Variants in SLC43A3 observed in about 807,000 individuals in gnomAD.
The protein encoded by SLC43A3 is equilibrative nucleobase transporter 1.
In SLC43A3, 33 loss-of-function variants were observed where a neutral mutation model predicts 53.3. That is an observed-to-expected ratio of 0.62 (90% CI 0.47 to 0.83). The LOEUF (loss-of-function observed/expected upper bound fraction) is 0.83, where lower values mean the gene tolerates loss of function less well. Ranked by LOEUF, SLC43A3 falls within the 40% of genes least tolerant of loss-of-function variation. The probability of loss-of-function intolerance (pLI) is 0.00; values close to 1 mark genes in which losing one functional copy is unlikely to be tolerated. For missense variants in SLC43A3, 530 were observed against 610.0 expected, an observed-to-expected ratio of 0.87 and a Z score of 1.38; for synonymous variants, 236 against 246.2, an observed-to-expected ratio of 0.96 and a Z score of 0.39.
At position 57,421,336 on chromosome 11, in the gene SLC43A3, G is replaced by C. The variant is rs745691568; in HGVS notation, c.399C>G (p.Leu133=). The C allele has an allele frequency of 6.2e-7, 1 of 1,613,892 alleles. No individual in the cohort carries two copies. Among genetic ancestry groups the C allele is most frequent in the Admixed American group, 1.7e-5 (1 of 60,012 alleles). The part of the protein sequence containing the change: ...AVLLFLAMPM[L]TIGGILFLIT... ...TGAGAAACAGGATTCCCCCAATGGT[G>C]AGCATTGGCATGGCCAGGAAGAGCA... The change falls in exon 6 of 14, where the codon CTC becomes CTG. Residue 133 remains leucine (L), a synonymous_variant. Transcript: ENST00000395124.
rs906665130 is a variant in SLC43A3, at chr11:57,412,663, A to C, written c.1060+1952T>G. On this transcript the variant is annotated intron_variant, in intron 11 of 13. Transcript: ENST00000395124. ...CCCCATCTCTACTAAAAATACAAAA[A>C]TTAGCCAGGTAGTGGGTGCCTGTAA... 5.3e-5 allele frequency among the ~76,000 whole-genome samples: 8 copies of C among 152,062 alleles called. No homozygotes were observed. In the East Asian group the frequency reaches 1.5e-3, roughly 29 times the overall value.
chr11:57,426,682 G>A (rs11822095), intron 1 of SLC43A3, 30 bp from the exon 2 acceptor site: 28,222 of 154,554 alleles, frequency 0.18, 2,812 homozygotes, highest in South Asian at 0.23. Context: ...TCAACCAGGT[G>A]CAGAGGCAGG....
rs1942663456 is a variant in SLC43A3 at position 57,415,228 on chromosome 11, A to G, written c.770-122T>C. 1.9e-6 allele frequency: 3 copies of G among 1,544,468 alleles called. No homozygotes were observed. In the South Asian group the frequency reaches 3.6e-5, roughly 18 times the overall value. ...CCCACCTTCTACCCTTGGCTCCCAG[A>G]ACTCACCCGGCGTGCTCTGCACCTG... On this transcript the variant is annotated intron_variant, in intron 9 of 13. Transcript: ENST00000395124.
At chr11:57,418,051 A>C (rs1226627159) in intron 7 of SLC43A3, among the ~76,000 whole-genome samples, 164 bp from the exon 8 acceptor site, 1 of 152,200 alleles carries the variant, frequency 6.6e-6, no homozygotes, top group Non-Finnish European at 1.5e-5. Flanking sequence ...TTAAAAAAGG[A>C]AAGAGGCAAC....
At chr11:57,411,869 A>G (rs571704668) in intron 11 of SLC43A3, among the ~76,000 whole-genome samples, 1 of 152,324 alleles carries the variant, frequency 6.6e-6, no homozygotes, top group Non-Finnish European at 1.5e-5. Flanking sequence ...ATGTACATTT[A>G]CATATGCATA....
rs200802164 is a variant in SLC43A3 at position 57,425,584 on chromosome 11, T to A, written c.271A>T (p.Ile91Phe). The stretch of plus-strand genomic sequence containing the variant: ...ACGGTGGTCTTGAACCGGTCAAAGA[T>A]GTAGCCAGTGGGGAATGTCATGAAG... ...NNFMTFPTGY[I>F]FDRFKTTVAR... The change falls in exon 4 of 14, where the codon ATC becomes TTC. Residue 91 changes from isoleucine (I) to phenylalanine (F), a missense_variant. By Grantham distance (21) the Ile-to-Phe change is conservative. Around this residue, in one of 3 missense-constraint regions of SLC43A3, gnomAD observed 376 missense variants for 386.7 expected, o/e 0.97. Transcript: ENST00000395124. 1.7e-5 allele frequency: 28 copies of A among 1,614,048 alleles called. No homozygotes were observed. The highest frequency in any genetic ancestry group is 5.0e-5 in the Admixed American group (3 of 60,020).
In SLC43A3 at chr11:57,425,822, G is replaced by A. The variant is rs1590714829; in HGVS notation, c.185-152C>T. ...GGCTGCCCCTAATTACCCCTCAGGA[G>A]CTGGTGCCTCCCTCCCAGGCACTTC... is the stretch of plus-strand genomic sequence containing the variant. On this transcript the variant is annotated intron_variant, in intron 3 of 13. Transcript: ENST00000395124. 6.5e-6 allele frequency: 9 copies of A among 1,390,100 alleles called. No homozygotes were observed. In the East Asian group the frequency reaches 1.9e-4, roughly 30 times the overall value. 86.1% of individuals were successfully genotyped at this position (1,390,100 alleles called of 1,614,324 possible).
Position 57,407,713 on chromosome 11 carries a change from C to A in SLC43A3, c.*79G>T, listed in dbSNP as rs1284186033. 6 of 811,468 alleles carry A rather than the reference C, an allele frequency of 7.4e-6. No homozygotes were observed. The highest frequency in any genetic ancestry group is 2.3e-4 in the Middle Eastern group (1 of 4,342). 50.3% of individuals were successfully genotyped at this position (811,468 alleles called of 1,614,324 possible). A position where few individuals can be genotyped will look rare whatever the true frequency, so the allele number is the denominator to read the frequency against. On this transcript the variant is annotated 3_prime_UTR_variant, in exon 14 of 14. Coordinates refer to ENST00000395124, the MANE Select transcript of SLC43A3 (RefSeq NM_199329.3). ...TGTGTTTTGCTGGGATAGGCAAAGT[C>A]TTTTGGGACACGAGGTCCTCAAAGG...
chr11:57,414,679 G>T lies in SLC43A3; in HGVS notation c.996C>A (p.Ala332=). ...GGTCCATGAGCAGGCCATTCCAGGG[G>T]GCACACAGCACTCCGAACTGAGTGA... ...FAFTQFGVLC[A]PWNGLLMDRL... Residue 332 remains alanine, a synonymous_variant, in exon 11 of 14, where the codon GCC becomes GCA. Coordinates refer to ENST00000395124, the MANE Select transcript of SLC43A3 (RefSeq NM_199329.3). 1 of 1,614,034 alleles carries T rather than the reference G, an allele frequency of 6.2e-7. No individual in the cohort carries two copies. Among genetic ancestry groups the T allele is most frequent in the African/African-American group, 1.3e-5 (1 of 74,970 alleles).
At chr11:57,407,946 A>T in intron 13 of SLC43A3, 50 bp from the exon 14 acceptor site, 6 of 1,259,006 alleles carry the variant, frequency 4.8e-6, no homozygotes, top group Non-Finnish European at 5.8e-6. Flanking sequence ...TGAACAACAG[A>T]ACTGTTGCTC....
intron 5 of SLC43A3, among the ~76,000 whole-genome samples, chr11:57,422,762 C>T (rs1035781463): frequency 2.6e-5 from 4 of 152,140 alleles, no homozygotes; most frequent in Non-Finnish European, 5.9e-5. Context: ...CCAGCCACCA[C>T]CTCCACATTC....
rs181098831 is a variant in SLC43A3 at position 57,421,327 on chromosome 11, C to T, written c.408G>A (p.Gly136=). The T allele has an allele frequency of 5.3e-5, 86 of 1,613,906 alleles. 1 individual carries two copies. In the South Asian group the frequency reaches 9.0e-4, roughly 17 times the overall value. ...LFLAMPMLTI[G]GILFLITNLQ... Reference sequence around the variant, plus strand: ...GGTTGGTGATGAGAAACAGGATTCCCCCAATGGTGAGCATTGGCATGGCCA... The same window carrying T: ...GGTTGGTGATGAGAAACAGGATTCCTCCAATGGTGAGCATTGGCATGGCCA... The change falls in exon 6 of 14, where the codon GGG becomes GGA. Residue 136 remains glycine (G), a synonymous_variant. Transcript: ENST00000395124.
intron 5 of SLC43A3, among the ~76,000 whole-genome samples, chr11:57,422,974 AG>A (rs1943053350): frequency 1.3e-5 from 2 of 152,330 alleles, no homozygotes; most frequent in South Asian, 4.1e-4. Flanking sequence ...CACACACAAG[AG>A]TAATGTACTT....
intron 5 of SLC43A3, among the ~76,000 whole-genome samples, chr11:57,422,554 TTAGAG>T (rs1422073829): frequency 4.6e-5 from 7 of 152,216 alleles, no homozygotes; most frequent in Non-Finnish European, 1.0e-4. Flanking sequence ...AGAGCTAATT[TTAGAG>T]TATTCACACA....
intron 12 of SLC43A3, 123 bp from the exon 13 acceptor site, chr11:57,409,421 A>G (rs1319795579): frequency 3.7e-6 from 4 of 1,088,324 alleles, no homozygotes; most frequent in Non-Finnish European, 5.3e-6. Context: ...CTGCCCTCCA[A>G]CCACACCTGT....
intron 11 of SLC43A3, among the ~76,000 whole-genome samples, chr11:57,411,419 G>A (rs1942459485): frequency 8.0e-6 from 1 of 124,880 alleles, no homozygotes; most frequent in African/African-American, 3.3e-5. Flanking sequence ...CAAGAGGATT[G>A]CTTGAGCTCA....
At position 57,407,282 on chromosome 11, in the gene SLC43A3, A is replaced by G. The variant is rs1942255569; in HGVS notation, c.*510T>C. On this transcript the variant is annotated 3_prime_UTR_variant, in exon 14 of 14. Coordinates refer to ENST00000395124, the MANE Select transcript of SLC43A3 (RefSeq NM_199329.3). Reference sequence around the variant, plus strand: ...ATCCAGCATCAGTGGCTGGGCTGAGACTGGGCCCAGGGAACCCTGTCTGCT... The same window carrying G: ...ATCCAGCATCAGTGGCTGGGCTGAGGCTGGGCCCAGGGAACCCTGTCTGCT... The G allele has an allele frequency of 6.5e-6, 1 of 154,590 alleles. No individual in the cohort carries two copies. Among genetic ancestry groups the G allele is most frequent in the Admixed American group, 6.3e-5 (1 of 15,874 alleles). The allele number at this position is 154,590 out of a possible 1,614,324, so 9.6% of individuals were successfully genotyped here.
intron 13 of SLC43A3, 150 bp downstream of exon 13, chr11:57,409,025 C>A (rs539484071): frequency 5.0e-6 from 4 of 795,666 alleles, no homozygotes; most frequent in African/African-American, 1.7e-5. Flanking sequence ...CCCACACACA[C>A]AAATACTTTT....
chr11:57,416,865 T>C (rs986673241), intron 8 of SLC43A3, among the ~76,000 whole-genome samples, 195 bp from the exon 9 acceptor site: 4 of 152,242 alleles, frequency 2.6e-5, no homozygotes, highest in Admixed American at 2.6e-4. Flanking sequence ...CTTCCTTTTC[T>C]AAGATCTCTA....
Sources: allele counts gnomAD v4.1 joint callset (sites outside exome capture counted in the v4.1 genomes callset), GRCh38; gene constraint gnomAD v4.1.1; regional missense constraint gnomAD v4.1.1; transcripts MANE v1.5; gene names NCBI Gene and HGNC (gene_info 2026-07-23, HGNC 2026-07-21).